MMP10: variants seen among roughly 807,000 people sequenced by gnomAD.
MMP10 encodes stromelysin-2.
In MMP10, 50 loss-of-function variants were observed where a neutral mutation model predicts 49.1. The ratio of observed to expected loss-of-function variants is 1.02; its 90% CI spans 0.81 to 1.29. The LOEUF is 1.29. Ranked by LOEUF, MMP10 falls within the 50% of genes most tolerant of loss-of-function variation. The pLI is 0.00. For missense variants in MMP10, 613 were observed against 563.8 expected (o/e 1.09, Z -0.88); for synonymous variants, 229 against 201.6 (o/e 1.14, Z -1.15).
At chr11:102,771,010 A>G in intron 9 of MMP10, 117 bp from the exon 10 acceptor site, 4 of 670,658 alleles carry the variant, frequency 6.0e-6, no homozygotes, top group Non-Finnish European at 7.6e-6. Context: ...TGATTACTCT[A>G]TGCCAAGCAC....
At position 102,778,609 on chromosome 11, in the gene MMP10, A is replaced by C. The variant is rs202025518; in HGVS notation, c.622+15T>G. 1 of 1,612,344 alleles carries C rather than the reference A, an allele frequency of 6.2e-7. No individual in the cohort carries two copies. Among genetic ancestry groups the C allele is most frequent in the African/African-American group, 1.3e-5 (1 of 74,840 alleles). The stretch of plus-strand genomic sequence containing the variant: ...ACATTATTCCTGAAATGTTCCCGAG[A>C]GGTTTACGACCCACCTGATGCATCT... On this transcript the variant is annotated intron_variant, in intron 4 of 9. Coordinates refer to ENST00000279441, the MANE Select transcript of MMP10 (RefSeq NM_002425.3).
At position 102,780,406 on chromosome 11, in the gene MMP10, A is replaced by C. The variant is rs973753365; in HGVS notation, c.105+81T>G. On this transcript the variant is annotated intron_variant, in intron 1 of 9. Transcript: ENST00000279441. ...TTTCTAACAAAGTGATCTCTAGTCT[A>C]ATCATTCTGCTTTGTATTGGAAGAC... 8.0e-6 allele frequency: 9 copies of C among 1,122,468 alleles called. No individual in the cohort carries two copies. The Admixed American group carries it at 1.6e-4, about 20-fold the overall frequency. The allele number at this position is 1,122,468 out of a possible 1,614,324, so 69.5% of individuals were successfully genotyped here. A position where few individuals can be genotyped will look rare whatever the true frequency, so the allele number is the denominator to read the frequency against.
intron 4 of MMP10, among the ~76,000 whole-genome samples, chr11:102,778,259 G>A (rs1306915704): frequency 1.3e-5 from 2 of 151,992 alleles, no homozygotes; most frequent in African/African-American, 2.4e-5. Context: ...GAAAACCTGA[G>A]GGCAAATGTT....
Position 102,776,287 on chromosome 11 carries a change from T to C in MMP10, c.925A>G (p.Lys309Glu). ...ATAATTTTCTGGTCTGACCTGTCTT[T>C]AAAGAACAGATATTCTCCCCTCAGA... ...STLRGEYLFF[K>E]DRYFWRRSHW... is the part of the protein sequence containing the mutation. The change falls in exon 6 of 10, where the codon AAA becomes GAA. Residue 309 changes from lysine (K) to glutamate (E), a missense_variant. Lys to Glu is a moderately conservative substitution (Grantham distance 56, BLOSUM62 1). Transcript: ENST00000279441. The C allele has an allele frequency of 6.2e-7, 1 of 1,613,432 alleles. No homozygotes were observed. Among genetic ancestry groups the C allele is most frequent in the East Asian group, 2.2e-5 (1 of 44,888 alleles).
chr11:102,778,854 G>A (rs1035097652), intron 3 of MMP10, 105 bp from the exon 4 acceptor site: 60 of 1,353,120 alleles, frequency 4.4e-5, no homozygotes, highest in Admixed American at 3.1e-4. Context: ...GGTGTCTGCT[G>A]CAAATTCATA....
rs144660356 is a variant in MMP10 at position 102,779,311 on chromosome 11, A to G, written c.398T>C (p.Ile133Thr). 2.9e-4 allele frequency: 472 copies of G among 1,614,172 alleles called. 1 individual carries two copies. The highest frequency in any genetic ancestry group is 2.1e-3 in the Middle Eastern group (13 of 6,056). Reference sequence around the variant, plus strand: ...TTCCCAGACTTTCAGAGCTTTCTCAATGGCAGAATCAACAGCATCTCTTGG... The same window carrying G: ...TTCCCAGACTTTCAGAGCTTTCTCAGTGGCAGAATCAACAGCATCTCTTGG... ...DLPRDAVDSA[I>T]EKALKVWEEV... The change falls in exon 3 of 10, where the codon ATT (isoleucine) becomes ACT (threonine). Residue 133 changes from isoleucine to threonine, a missense_variant. Coordinates refer to ENST00000279441, the MANE Select transcript of MMP10 (RefSeq NM_002425.3).
Position 102,778,689 on chromosome 11 carries a change from G to A in MMP10, c.557C>T (p.Pro186Leu). 1.9e-6 allele frequency: 3 copies of A among 1,613,986 alleles called. No homozygotes were observed. Among genetic ancestry groups the A allele is most frequent in the Non-Finnish European group, 2.5e-6 (3 of 1,179,958 alleles). ...PGHSLAHAYP[P>L]GPGLYGDIHF... ...AATATCTCCATAAAGCCCAGGTCCA[G>A]GTGGGTAGGCATGAGCCAAACTGTG... The change falls in exon 4 of 10, where the codon CCT becomes CTT. Residue 186 changes from proline to leucine, a missense_variant. By Grantham distance (98) the Pro-to-Leu change is moderately conservative. Coordinates refer to ENST00000279441, the MANE Select transcript of MMP10 (RefSeq NM_002425.3).
chr11:102,772,083 C>A lies in MMP10; in HGVS notation c.1259G>T (p.Gly420Val). The change falls in exon 9 of 10, where the codon GGC (glycine) becomes GTC (valine). Residue 420 changes from glycine to valine, a missense_variant. Physicochemically the swap from Gly to Val is moderately radical, Grantham distance 109 (BLOSUM62 -3). Transcript: ENST00000279441. This position sits in a 1 kb window ranked among gnomAD's most constrained non-coding sequence, Gnocchi z 4.4. ...GTCATCAGCTATTAGTCTAGGGAAGCCTTGCTCCATGGACTGGCTATTTTC... is the reference window on the plus strand; with the variant it reads ...GTCATCAGCTATTAGTCTAGGGAAGACTTGCTCCATGGACTGGCTATTTTC... ...FDENSQSMEQ[G>V]FPRLIADDFP... 1 of 1,613,370 alleles carries A rather than the reference C, an allele frequency of 6.2e-7. No individual in the cohort carries two copies. Among genetic ancestry groups the A allele is most frequent in the Non-Finnish European group, 8.5e-7 (1 of 1,179,442 alleles).
chr11:102,772,716 C>T lies in MMP10; in HGVS notation c.1226+131G>A, dbSNP rs879287804. 8 of 942,494 alleles carry T rather than the reference C, an allele frequency of 8.5e-6. No individual in the cohort carries two copies. Among genetic ancestry groups the T allele is most frequent in the Non-Finnish European group, 1.1e-5 (7 of 635,288 alleles). 58.4% of individuals were successfully genotyped at this position (942,494 alleles called of 1,614,324 possible). On this transcript the variant is annotated intron_variant, in intron 8 of 9. Transcript: ENST00000279441. This position sits in a 1 kb window ranked among gnomAD's most constrained non-coding sequence, Gnocchi z 4.4. ...TCCGGAAGGTAGAACAATAAGCTGT[C>T]TTCCTCATAATCATAAATTTTGAAG...
chr11:102,777,399 G>A (rs1302242744), intron 4 of MMP10, among the ~76,000 whole-genome samples: 1 of 151,552 alleles, frequency 6.6e-6, no homozygotes, highest in Non-Finnish European at 1.5e-5. Flanking sequence ...GTGATTACAG[G>A]CACGTGCTAC....
intron 4 of MMP10, among the ~76,000 whole-genome samples, chr11:102,777,948 A>G (rs1399215923): frequency 6.6e-6 from 1 of 152,150 alleles, no homozygotes; most frequent in East Asian, 1.9e-4. Flanking sequence ...TGTACTCAGG[A>G]AAGATGTTCT....
intron 1 of MMP10, 71 bp downstream of exon 1, chr11:102,780,416 C>A (rs1158994221): frequency 7.1e-6 from 9 of 1,259,736 alleles, no homozygotes; most frequent in Non-Finnish European, 1.0e-5. Context: ...AATCATTCTG[C>A]TTTGTATTGG....
chr11:102,772,783 C>T lies in MMP10; in HGVS notation c.1226+64G>A. 6.5e-7 allele frequency: 1 copy of T among 1,535,082 alleles called. No individual in the cohort carries two copies. Among genetic ancestry groups the T allele is most frequent in the South Asian group, 1.3e-5 (1 of 78,312 alleles). On this transcript the variant is annotated intron_variant, in intron 8 of 9. Transcript: ENST00000279441. This position sits in a 1 kb window ranked among gnomAD's most constrained non-coding sequence, Gnocchi z 4.4. Reference sequence around the variant, plus strand: ...GGTGGGTGTAGGGTAGGGAAATATCCTTAAAGAAAGAAAATAATTTTCTTA... The same window carrying T: ...GGTGGGTGTAGGGTAGGGAAATATCTTTAAAGAAAGAAAATAATTTTCTTA...
intron 4 of MMP10, among the ~76,000 whole-genome samples, chr11:102,777,842 C>T (rs1422334964): frequency 6.6e-6 from 1 of 152,088 alleles, no homozygotes; most frequent in African/African-American, 2.4e-5. Context: ...GAGTCTCACT[C>T]TGTTGCCCAG....
At chr11:102,776,500 C>T (rs747772445) in intron 5 of MMP10, 76 bp from the exon 6 acceptor site, 6 of 1,586,202 alleles carry the variant, frequency 3.8e-6, no homozygotes, top group Non-Finnish European at 5.2e-6. Flanking sequence ...GCCTTTCAAA[C>T]ATTCTCAAAG....
intron 9 of MMP10, 97 bp from the exon 10 acceptor site, chr11:102,770,990 A>AT (rs1861970472): frequency 5.2e-6 from 4 of 773,454 alleles, no homozygotes; most frequent in Admixed American, 2.4e-5. Context: ...AATGGAGGGC[A>AT]TTTATTAAGT....
intron 7 of MMP10, 131 bp from the exon 8 acceptor site, chr11:102,773,137 T>TC: frequency 1.4e-6 from 1 of 708,370 alleles, no homozygotes; most frequent in Middle Eastern, 3.3e-4. Context: ...TCACAGCCAG[T>TC]CCTTAATAAA....
At chr11:102,771,898 TA>T in intron 9 of MMP10, 113 bp downstream of exon 9, 2 of 714,848 alleles carry the variant, frequency 2.8e-6, no homozygotes, top group Non-Finnish European at 2.4e-6. Context: ...GAATTTGGAG[TA>T]AAAAAGATAT....
rs17860987 is a variant in MMP10, at chr11:102,773,542, C to T, written c.1067-536G>A. Reference sequence around the variant, plus strand: ...CAAGCCTGAATTCCTTCTTCGCACTCACTGCCAGATTCACTAATCTAAAAT... The same window carrying T: ...CAAGCCTGAATTCCTTCTTCGCACTTACTGCCAGATTCACTAATCTAAAAT... On this transcript the variant is annotated intron_variant, in intron 7 of 9. Transcript: ENST00000279441. Among the ~76,000 whole-genome samples, 374 of 152,346 alleles carry T rather than the reference C, an allele frequency of 2.5e-3. 7 individuals carry two copies. The East Asian group carries it at 0.052, about 21-fold the overall frequency.
Sources: allele counts gnomAD v4.1 joint callset (sites outside exome capture counted in the v4.1 genomes callset), GRCh38; gene constraint gnomAD v4.1.1; non-coding constraint Gnocchi (gnomAD v3.1); transcripts MANE v1.5; gene names NCBI Gene and HGNC (gene_info 2026-07-23, HGNC 2026-07-21).